Variants in MORC4 observed in about 807,000 individuals in gnomAD.
The protein encoded by MORC4 is MORC family CW-type zinc finger protein 4.
In MORC4, 22 loss-of-function variants were observed where a neutral mutation model predicts 65.5. The observed-to-expected ratio is 0.34, with a 90% CI of 0.24 to 0.48. The LOEUF (loss-of-function observed/expected upper bound fraction) is 0.48, where lower values mean the gene tolerates loss of function less well. Among genes scored for constraint, MORC4 ranks in the 20% least tolerant of loss-of-function variants. MORC4 has a pLI of 0.99. For missense variants in MORC4, 624 were observed against 703.0 expected (o/e 0.89, Z 1.27); for synonymous variants, 267 against 255.8 (o/e 1.04, Z -0.42).
chrX:106,954,894 G>C lies in MORC4; in HGVS notation c.1685+19C>G. ...ACTCTAAAGCTTACTATTGACAAGAGATCATGCTTTTTAGTCACCTGGAAA... is the reference window on the plus strand; with the variant it reads ...ACTCTAAAGCTTACTATTGACAAGACATCATGCTTTTTAGTCACCTGGAAA... On this transcript the variant is annotated intron_variant, in intron 14 of 16. Transcript: ENST00000355610. 8.4e-7 allele frequency: 1 copy of C among 1,194,541 alleles called. No homozygotes were observed. Among genetic ancestry groups the C allele is most frequent in the Non-Finnish European group, 1.1e-6 (1 of 883,037 alleles).
At chrX:106,970,706 C>CTGG (rs1276561420) in intron 9 of MORC4, among the ~76,000 whole-genome samples, 1 of 111,703 alleles carries the variant, frequency 9.0e-6, no homozygotes, top group Non-Finnish European at 1.9e-5. Flanking sequence ...CATGAATGAA[C>CTGG]TGCCCTTCAC....
chrX:106,996,351 C>A lies in MORC4; in HGVS notation c.176-2989G>T, dbSNP rs1026152644. On this transcript the variant is annotated intron_variant, in intron 2 of 16. Coordinates refer to ENST00000355610, the MANE Select transcript of MORC4 (RefSeq NM_024657.5). Reference sequence around the variant, plus strand: ...TGCAAGAGGCCAGGGTCAGCTGGAGCAGTAGGGAAAGAGAGATCAGTAGAG... The same window carrying A: ...TGCAAGAGGCCAGGGTCAGCTGGAGAAGTAGGGAAAGAGAGATCAGTAGAG... Among the ~76,000 whole-genome samples the A allele has an allele frequency of 6.4e-5, 7 of 109,781 alleles. 1 individual carries two copies. The Middle Eastern group carries it at 0.019, about 290-fold the overall frequency.
Position 106,972,362 on chromosome X carries a change from T to C in MORC4, c.1157+4222A>G, listed in dbSNP as rs1934536890. 2.7e-5 allele frequency among the ~76,000 whole-genome samples: 3 copies of C among 111,059 alleles called. No individual in the cohort carries two copies. In the South Asian group the frequency reaches 1.2e-3, roughly 43 times the overall value. On this transcript the variant is annotated intron_variant, in intron 9 of 16. Coordinates refer to ENST00000355610, the MANE Select transcript of MORC4 (RefSeq NM_024657.5). ...GGATAACATTAGGAGAAATACCTAA[T>C]GTAGGTGAAGGGTTGATGGGTGCAG...
At chrX:106,947,592 A>T (rs62605983) in intron 14 of MORC4, among the ~76,000 whole-genome samples, 91 of 72,249 alleles carry the variant, frequency 1.3e-3, no homozygotes, top group African/African-American at 4.6e-3. Context: ...TATATATATA[A>T]TATATATATA....
chrX:106,968,029 T>C (rs1256736107), intron 9 of MORC4, among the ~76,000 whole-genome samples: 1 of 110,442 alleles, frequency 9.1e-6, no homozygotes, highest in Non-Finnish European at 1.9e-5. Flanking sequence ...TTCACCAAGG[T>C]TGAAATGAAG....
intron 9 of MORC4, among the ~76,000 whole-genome samples, chrX:106,972,618 G>T (rs1204974699): frequency 9.0e-6 from 1 of 111,487 alleles, no homozygotes; most frequent in Non-Finnish European, 1.9e-5. Flanking sequence ...GACTCACAAG[G>T]TTCTTAAGAA....
At chrX:106,996,366 G>C in intron 2 of MORC4, among the ~76,000 whole-genome samples, 1 of 109,750 alleles carries the variant, frequency 9.1e-6, no homozygotes, top group East Asian at 2.9e-4. Context: ...GGGAAAGAGA[G>C]ATCAGTAGAG....
At chrX:106,942,277 G>A (rs1257954520) in intron 15 of MORC4, 56 bp from the exon 16 acceptor site, 6 of 1,134,560 alleles carry the variant, frequency 5.3e-6, no homozygotes, top group Non-Finnish European at 7.1e-6. Flanking sequence ...GCCAAAAACC[G>A]TTCCTCATAT....
chrX:106,956,018 T>A (rs1172725891), intron 13 of MORC4, among the ~76,000 whole-genome samples: 4 of 110,472 alleles, frequency 3.6e-5, no homozygotes, highest in Non-Finnish European at 7.6e-5. Context: ...CTCCTGAAAA[T>A]TCAAAACAGC....
intron 2 of MORC4, among the ~76,000 whole-genome samples, chrX:106,995,238 A>C (rs184590866): frequency 2.8e-3 from 310 of 109,338 alleles, no homozygotes; most frequent in East Asian, 0.015. Flanking sequence ...ATAAATCCTT[A>C]TCTCTCTCTT....
intron 3 of MORC4, among the ~76,000 whole-genome samples, chrX:106,987,359 G>GA (rs1388981736): frequency 9.0e-6 from 1 of 111,352 alleles, no homozygotes; most frequent in East Asian, 2.8e-4. Context: ...ATCAATAAAA[G>GA]AAAAAATCAT....
intron 7 of MORC4, among the ~76,000 whole-genome samples, chrX:106,980,315 T>C (rs1934714293): frequency 9.0e-6 from 1 of 111,030 alleles, no homozygotes; most frequent in Non-Finnish European, 1.9e-5. Context: ...GCTACCATTA[T>C]GAAAAGTACC....
chrX:106,981,197 A>C, intron 6 of MORC4, 148 bp downstream of exon 6: 1 of 829,602 alleles, frequency 1.2e-6, no homozygotes, highest in South Asian at 2.6e-5. Context: ...TATTATCTAA[A>C]CGGTCTCAAT....
chrX:106,990,121 G>A (rs369371163), intron 3 of MORC4, among the ~76,000 whole-genome samples: 37 of 107,097 alleles, frequency 3.5e-4, no homozygotes, highest in East Asian at 6.0e-4. Context: ...CCCAGGAGGC[G>A]GAGGTTGCAG....
At chrX:106,989,032 T>C (rs945745872) in intron 3 of MORC4, among the ~76,000 whole-genome samples, 5 of 112,416 alleles carry the variant, frequency 4.4e-5, no homozygotes, top group African/African-American at 1.3e-4. Flanking sequence ...AATCCATGGG[T>C]GCACAAAGGC....
Position 106,948,098 on chromosome X carries a change from T to C in MORC4, c.1686-4893A>G, listed in dbSNP as rs1285920557. 2.7e-5 allele frequency among the ~76,000 whole-genome samples: 3 copies of C among 111,759 alleles called. No individual in the cohort carries two copies. In the Admixed American group the frequency reaches 2.9e-4, roughly 11 times the overall value. On this transcript the variant is annotated intron_variant, in intron 14 of 16. Transcript: ENST00000355610. ...TTATTTTTCCTCTTTTTATATCATG[T>C]ATTTTCTAGTATAACATTCACGAAT...
intron 4 of MORC4, among the ~76,000 whole-genome samples, chrX:106,985,742 C>T (rs1934857096): frequency 9.0e-6 from 1 of 110,784 alleles, no homozygotes; most frequent in Non-Finnish European, 1.9e-5. Context: ...CAGAGATACA[C>T]TATATAGATC....
At position 106,978,086 on chromosome X, in the gene MORC4, C is replaced by T; in HGVS notation, c.1050G>A (p.Gln350=). The T allele has an allele frequency of 1.7e-6, 2 of 1,209,091 alleles. No homozygotes were observed. Among genetic ancestry groups the T allele is most frequent in the Non-Finnish European group, 2.2e-6 (2 of 893,755 alleles). ...LIKSFEKVGC[Q]VKPTRGEGVG... ...AGAAATATTAACTACTCACCTTCACCTGGCACCCCACCTTCTCAAAAGATT... is the reference window on the plus strand; with the variant it reads ...AGAAATATTAACTACTCACCTTCACTTGGCACCCCACCTTCTCAAAAGATT... Residue 350 remains glutamine, a synonymous_variant, in exon 8 of 17, where the codon CAG becomes CAA. Coordinates refer to ENST00000355610, the MANE Select transcript of MORC4 (RefSeq NM_024657.5).
At chrX:106,968,046 C>G (rs1486609658) in intron 9 of MORC4, among the ~76,000 whole-genome samples, 1 of 111,698 alleles carries the variant, frequency 9.0e-6, no homozygotes, top group Middle Eastern at 4.2e-3. Flanking sequence ...GAAGGAAAAA[C>G]TGTTAAGAGC....
Sources: allele counts gnomAD v4.1 joint callset (sites outside exome capture counted in the v4.1 genomes callset), GRCh38; gene constraint gnomAD v4.1.1; transcripts MANE v1.5; gene names NCBI Gene and HGNC (gene_info 2026-07-23, HGNC 2026-07-21).